Variants in RARG observed in about 807,000 individuals in gnomAD.
The protein encoded by RARG is retinoic acid receptor gamma, also known as RAR-gamma.
A neutral mutation model predicts 43.7 loss-of-function variants in RARG; 17 were observed. That is an observed-to-expected ratio of 0.39 (90% confidence interval 0.27 to 0.58). The LOEUF (loss-of-function observed/expected upper bound fraction) is 0.58. Ranked by LOEUF, RARG falls within the 20% of genes least tolerant of loss-of-function variation. The pLI, the probability that RARG is intolerant of heterozygous loss-of-function variation, is 0.57. For missense variants in RARG, 346 were observed against 598.7 expected, an observed-to-expected ratio of 0.58 and a Z score of 4.40; for synonymous variants, 238 against 236.4, an observed-to-expected ratio of 1.01 and a Z score of -0.06.
At chr12:53,230,832 A>G (rs956743845) in intron 2 of RARG, among the ~76,000 whole-genome samples, 3 of 138,846 alleles carry the variant, frequency 2.2e-5, no homozygotes, top group Non-Finnish European at 3.1e-5. Context: ...TGTAGGCCAC[A>G]GTGCGTGTGT....
Position 53,215,661 on chromosome 12 carries a change from A to G in RARG, c.318T>C (p.Ser106=), listed in dbSNP as rs1274428955. 1.9e-6 allele frequency: 3 copies of G among 1,613,268 alleles called. No individual in the cohort carries two copies. Among genetic ancestry groups the G allele is most frequent in the Non-Finnish European group, 2.5e-6 (3 of 1,179,730 alleles). Reference sequence around the variant, plus strand: ...ACGTACACACCTTGCAGCCTTCACAAGAGCTGACCCCATAGTGGTAGCCAG... The same window carrying G: ...ACGTACACACCTTGCAGCCTTCACAGGAGCTGACCCCATAGTGGTAGCCAG... The part of the protein sequence containing the change: ...KSSGYHYGVS[S]CEGCKGFFRR... The change falls in exon 4 of 10, where the codon TCT becomes TCC. Residue 106 remains serine, a synonymous_variant. Transcript: ENST00000425354. The surrounding 1 kb of genome is among the most constrained non-coding windows in gnomAD (Gnocchi z 6.4).
intron 3 of RARG, among the ~76,000 whole-genome samples, chr12:53,217,221 G>C (rs1039620275): frequency 7.2e-5 from 11 of 152,136 alleles, no homozygotes; most frequent in East Asian, 1.9e-4. Flanking sequence ...GAGAGGAGAG[G>C]GGGGAAAGAA....
chr12:53,214,705 ATATC>A (rs1008805093), intron 5 of RARG, 99 bp from the exon 6 acceptor site: 1 of 1,227,436 alleles, frequency 8.1e-7, no homozygotes, highest in Non-Finnish European at 1.1e-6. Flanking sequence ...CTTATCATGA[ATATC>A]TATTCTCTGG....
intron 3 of RARG, among the ~76,000 whole-genome samples, chr12:53,216,192 CTG>C (rs1232473707): frequency 1.3e-5 from 2 of 152,204 alleles, no homozygotes; most frequent in African/African-American, 4.8e-5. Context: ...TAGTCACTCT[CTG>C]TCTCTTTGGT....
At chr12:53,219,893 G>A in intron 3 of RARG, 2 of 1,407,412 alleles carry the variant, frequency 1.4e-6, no homozygotes, top group Non-Finnish European at 1.9e-6. Context: ...CACACGGAAA[G>A]AGTAAATCCC....
chr12:53,217,323 C>T (rs1034509257), intron 3 of RARG, among the ~76,000 whole-genome samples: 1 of 152,148 alleles, frequency 6.6e-6, no homozygotes, highest in African/African-American at 2.4e-5. Flanking sequence ...CCTTTCCCAA[C>T]CTCTCCTCAC....
chr12:53,213,288 G>A lies in RARG; in HGVS notation c.1019-45C>T, dbSNP rs769242563. ...GGAGTGAGAGGGGAAGGAAGAGATGGGGAAGACACAGTGACAGATGGCTGA... is the reference window on the plus strand; with the variant it reads ...GGAGTGAGAGGGGAAGGAAGAGATGAGGAAGACACAGTGACAGATGGCTGA... On this transcript the variant is annotated intron_variant, in intron 8 of 9. Coordinates refer to ENST00000425354, the MANE Select transcript of RARG (RefSeq NM_000966.6). This position sits in a 1 kb window ranked among gnomAD's most constrained non-coding sequence, Gnocchi z 4.7. The A allele has an allele frequency of 1.6e-5, 25 of 1,518,214 alleles. No individual in the cohort carries two copies. The highest frequency in any genetic ancestry group is 1.2e-4 in the Admixed American group (7 of 57,696). 94.0% of individuals were successfully genotyped at this position (1,518,214 alleles called of 1,614,324 possible).
Position 53,213,499 on chromosome 12 carries a change from C to CGCAGATGAG in RARG, c.1006_1014dup (p.Leu336_Cys338dup). Reference sequence around the variant, plus strand: ...ACGCCAGGGGGCGCCCCCGCACCTCCGCAGATGAGGCAGATGGCGCTGAGC... The same window carrying CGCAGATGAG: ...ACGCCAGGGGGCGCCCCCGCACCTCCGCAGATGAGGCAGATGAGGCAGATGGCGCTGAGC... On this transcript the variant is annotated inframe_insertion, in exon 8 of 10. Transcript: ENST00000425354. The surrounding 1 kb of genome is among the most constrained non-coding windows in gnomAD (Gnocchi z 4.7). The CGCAGATGAG allele has an allele frequency of 6.2e-7, 1 of 1,613,184 alleles. No individual in the cohort carries two copies. Among genetic ancestry groups the CGCAGATGAG allele is most frequent in the Non-Finnish European group, 8.5e-7 (1 of 1,179,974 alleles).
chr12:53,223,837 A>G (rs1258837299), intron 3 of RARG, among the ~76,000 whole-genome samples: 3 of 152,124 alleles, frequency 2.0e-5, no homozygotes, highest in East Asian at 1.9e-4. Context: ...CAGTTTCTCC[A>G]TGTGTGGTGA....
intron 3 of RARG, among the ~76,000 whole-genome samples, chr12:53,223,361 G>A (rs1020063333): frequency 1.3e-5 from 2 of 152,028 alleles, no homozygotes; most frequent in African/African-American, 2.4e-5. Context: ...CTGGAGGAGG[G>A]GGCAGCAGAA....
At chr12:53,221,440 G>A (rs1481006075) in intron 3 of RARG, among the ~76,000 whole-genome samples, 1 of 152,144 alleles carries the variant, frequency 6.6e-6, no homozygotes, top group Non-Finnish European at 1.5e-5. Flanking sequence ...CACTGCCAAG[G>A]GCTCCCTCGG....
chr12:53,218,783 G>A (rs544206042), intron 3 of RARG, among the ~76,000 whole-genome samples: 1 of 151,614 alleles, frequency 6.6e-6, no homozygotes, highest in South Asian at 2.1e-4. Context: ...CACTCCCCCA[G>A]CGCCCGCCGC....
At chr12:53,222,871 G>T (rs1291313669) in intron 3 of RARG, among the ~76,000 whole-genome samples, 1 of 152,050 alleles carries the variant, frequency 6.6e-6, no homozygotes, top group Non-Finnish European at 1.5e-5. Context: ...GCATTTCATG[G>T]GAACCAGATG....
chr12:53,218,070 A>G (rs1942828321), intron 3 of RARG, among the ~76,000 whole-genome samples: 1 of 152,084 alleles, frequency 6.6e-6, no homozygotes, highest in South Asian at 2.1e-4. Context: ...CCGTGGAGGT[A>G]GATGTACCAG....
chr12:53,214,753 T>TATA, intron 5 of RARG, 147 bp from the exon 6 acceptor site: 1 of 903,718 alleles, frequency 1.1e-6, no homozygotes, highest in South Asian at 2.0e-5. Flanking sequence ...CCCTATCACC[T>TATA]ATAATAGCTC....
In RARG at chr12:53,213,720, G is replaced by A; in HGVS notation, c.814-20C>T. 1 of 1,587,978 alleles carries A rather than the reference G, an allele frequency of 6.3e-7. No homozygotes were observed. On this transcript the variant is annotated intron_variant, in intron 7 of 9. Transcript: ENST00000425354. This position sits in a 1 kb window ranked among gnomAD's most constrained non-coding sequence, Gnocchi z 4.7. ...CAGCATCTGGAGGTGGGGGGTGGAG[G>A]AGGGTTAGTGCTGTTTCTGGGGGAT...
At chr12:53,216,658 G>A (rs999894231) in intron 3 of RARG, among the ~76,000 whole-genome samples, 3 of 152,142 alleles carry the variant, frequency 2.0e-5, no homozygotes, top group African/African-American at 4.8e-5. Flanking sequence ...GGAGAAGTCA[G>A]GTGACAGTAG....
intron 3 of RARG, among the ~76,000 whole-genome samples, chr12:53,224,142 TCTG>T: frequency 6.6e-6 from 1 of 152,026 alleles, no homozygotes; most frequent in Non-Finnish European, 1.5e-5. Context: ...CACACACCCC[TCTG>T]CTTTCCATGA....
At chr12:53,222,114 T>G (rs1942984501) in intron 3 of RARG, among the ~76,000 whole-genome samples, 1 of 151,624 alleles carries the variant, frequency 6.6e-6, no homozygotes, top group Non-Finnish European at 1.5e-5. Flanking sequence ...GAAGCAGGGA[T>G]GGAGAGGGAA....
Sources: gnomAD v4.1 joint callset for allele counts (sites outside exome capture counted in the v4.1 genomes callset) on GRCh38, gnomAD v4.1.1 for gene constraint, Gnocchi (gnomAD v3.1) non-coding constraint, MANE v1.5 for transcripts, NCBI Gene and HGNC (gene_info 2026-07-23, HGNC 2026-07-21) for gene names.